ZZEF1: variants seen among roughly 807,000 people sequenced by gnomAD.
The protein encoded by ZZEF1 is zinc finger ZZ-type and EF-hand domain containing 1, also known as zinc finger ZZ-type and EF-hand domain-containing protein 1.
In ZZEF1, 157 loss-of-function variants were observed where a neutral mutation model predicts 342.8. The observed-to-expected ratio is 0.46, with a 90% CI of 0.40 to 0.52. ZZEF1 has a LOEUF of 0.52. Among genes scored for constraint, ZZEF1 ranks in the 20% least tolerant of loss-of-function variants. ZZEF1 has a pLI of 0.00. For missense variants in ZZEF1, 3,480 were observed against 3,725.6 expected (o/e 0.93, Z 1.72); for synonymous variants, 1,505 against 1,429.1 (o/e 1.05, Z -1.20).
At chr17:4,070,283 G>A (rs1597846040) in intron 26 of ZZEF1, among the ~76,000 whole-genome samples, 1 of 152,210 alleles carries the variant, frequency 6.6e-6, no homozygotes, top group South Asian at 2.1e-4. Flanking sequence ...ATGTTAGAGC[G>A]AATCACCCTT....
Position 4,062,796 on chromosome 17 carries a change from G to C in ZZEF1, c.4840C>G (p.Leu1614Val), listed in dbSNP as rs2057312165. 1.9e-6 allele frequency: 3 copies of C among 1,612,300 alleles called. No individual in the cohort carries two copies. Among genetic ancestry groups the C allele is most frequent in the Non-Finnish European group, 1.7e-6 (2 of 1,179,182 alleles). Reference protein sequence around the residue: ...QPHCFHPPFILFLLELLTCQK... With the variant: ...QPHCFHPPFIVFLLELLTCQK... ...CAGGTCAGAAGTTCCAACAGGAAAA[G>C]TATGAAAGGTGGATGGAAGCAGTGG... Residue 1614 changes from leucine (L) to valine (V), a missense_variant, in exon 30 of 55, where the codon CTT (leucine) becomes GTT (valine). Physicochemically the swap from Leu to Val is conservative, Grantham distance 32. Coordinates refer to ENST00000381638, the MANE Select transcript of ZZEF1 (RefSeq NM_015113.4).
chr17:4,016,243 T>A lies in ZZEF1; in HGVS notation c.8145+80A>T. 1 of 1,505,262 alleles carries A rather than the reference T, an allele frequency of 6.6e-7. No individual in the cohort carries two copies. The allele number at this position is 1,505,262 out of a possible 1,614,324, so 93.2% of individuals were successfully genotyped here. ...GAGAGAGCCACAGAGGGGCTGAGCA[T>A]GGAGGGGCTGAGCACGGAGGGGCTG... On this transcript the variant is annotated intron_variant, in intron 49 of 54. Coordinates refer to ENST00000381638, the MANE Select transcript of ZZEF1 (RefSeq NM_015113.4). This position sits in a 1 kb window ranked among gnomAD's most constrained non-coding sequence, Gnocchi z 4.4.
chr17:4,095,793 G>A (rs766806716), intron 11 of ZZEF1, 38 bp downstream of exon 11: 2 of 1,572,274 alleles, frequency 1.3e-6, no homozygotes, highest in Non-Finnish European at 1.7e-6. Flanking sequence ...TTTTTGTTCT[G>A]TAGATCTTTG....
chr17:4,087,575 T>A (rs528428031), intron 13 of ZZEF1, 41 bp from the exon 14 acceptor site: 11 of 1,543,976 alleles, frequency 7.1e-6, no homozygotes. Flanking sequence ...AACTGAAAAA[T>A]GCATTTAGAG....
intron 13 of ZZEF1, among the ~76,000 whole-genome samples, chr17:4,088,014 G>A (rs1237354514): frequency 6.6e-6 from 1 of 152,110 alleles, no homozygotes; most frequent in East Asian, 1.9e-4. Flanking sequence ...TACTGTGATA[G>A]GAGGTCTGAA....
At chr17:4,099,390 T>C (rs2058089835) in intron 9 of ZZEF1, among the ~76,000 whole-genome samples, 1 of 151,888 alleles carries the variant, frequency 6.6e-6, no homozygotes, top group Admixed American at 6.6e-5. Flanking sequence ...GCTAATTTTT[T>C]ATTTCATTTT....
chr17:4,136,157 A>T (rs2058743984), intron 1 of ZZEF1, among the ~76,000 whole-genome samples: 2 of 149,664 alleles, frequency 1.3e-5, no homozygotes, highest in South Asian at 4.2e-4. Context: ...CACTCAGCTA[A>T]CATGGTGAAA....
chr17:4,050,207 G>A (rs1355086828), intron 36 of ZZEF1, among the ~76,000 whole-genome samples: 2 of 152,188 alleles, frequency 1.3e-5, no homozygotes, highest in Admixed American at 1.3e-4. Flanking sequence ...ACTGGTATGG[G>A]AACTGCTCTA....
intron 52 of ZZEF1, among the ~76,000 whole-genome samples, chr17:4,012,212 C>A (rs67858450): frequency 1.3e-5 from 2 of 152,294 alleles, no homozygotes; most frequent in East Asian, 3.9e-4. Flanking sequence ...CTGGACTCGA[C>A]GCTCAAGTGA....
chr17:4,022,502 A>G (rs1286371085), intron 44 of ZZEF1: 2 of 575,594 alleles, frequency 3.5e-6, no homozygotes, highest in Non-Finnish European at 5.9e-6. Flanking sequence ...TTCTTTGAAC[A>G]AACATTAAAT....
In ZZEF1 at chr17:4,042,005, T is replaced by C. The variant is rs548238716; in HGVS notation, c.6306+424A>G. Among the ~76,000 whole-genome samples the C allele has an allele frequency of 6.6e-5, 10 of 152,268 alleles. No individual in the cohort carries two copies. The East Asian group carries it at 1.9e-3, about 29-fold the overall frequency. On this transcript the variant is annotated intron_variant, in intron 39 of 54. Coordinates refer to ENST00000381638, the MANE Select transcript of ZZEF1 (RefSeq NM_015113.4). ...AAGCATAATAATGACATTGTGGTTA[T>C]ATAGGAGAATGTACTTTAAGGAGAG...
At chr17:4,131,607 CCT>C (rs2058663512) in intron 1 of ZZEF1, among the ~76,000 whole-genome samples, 1 of 151,850 alleles carries the variant, frequency 6.6e-6, no homozygotes, top group Non-Finnish European at 1.5e-5. Context: ...GGCAAAACCT[CCT>C]CTCTACAAAA....
intron 24 of ZZEF1, among the ~76,000 whole-genome samples, chr17:4,073,929 G>C (rs781821): frequency 0.086 from 13,137 of 152,066 alleles, 1,915 homozygotes; most frequent in African/African-American, 0.3. Flanking sequence ...TCCATAGACA[G>C]AGAACCCATG....
At chr17:4,048,189 T>C (rs1208034075) in intron 37 of ZZEF1, among the ~76,000 whole-genome samples, 1 of 152,172 alleles carries the variant, frequency 6.6e-6, no homozygotes, top group Non-Finnish European at 1.5e-5. Flanking sequence ...TCATAATCCG[T>C]GGGTGGTTAA....
intron 34 of ZZEF1, among the ~76,000 whole-genome samples, chr17:4,052,697 T>C (rs146113327): frequency 9.8e-5 from 15 of 152,312 alleles, no homozygotes; most frequent in Non-Finnish European, 1.8e-4. Context: ...TGAAACCTCG[T>C]CTCTATTGAA....
intron 1 of ZZEF1, among the ~76,000 whole-genome samples, chr17:4,140,968 G>T (rs2058835500): frequency 6.6e-6 from 1 of 151,266 alleles, no homozygotes; most frequent in South Asian, 2.1e-4. Flanking sequence ...GAATGCAGTG[G>T]CGTGATCTCA....
rs1322740620 is a variant in ZZEF1, at chr17:4,014,168, A to G, written c.8335T>C (p.Phe2779Leu). 1 of 1,614,132 alleles carries G rather than the reference A, an allele frequency of 6.2e-7. No individual in the cohort carries two copies. Among genetic ancestry groups the G allele is most frequent in the Non-Finnish European group, 8.5e-7 (1 of 1,180,038 alleles). ...ELPGDTLYYR[F>L]TSDMSNTEWG... is the part of the protein sequence containing the mutation. ...TCGGTGTTGCTCATGTCGGAGGTGA[A>G]GCGGTAATACAGAGTGTCTCCTAGG... Residue 2779 changes from phenylalanine to leucine, a missense_variant, in exon 51 of 55, where the codon TTC becomes CTC. Phe to Leu is a conservative substitution (Grantham distance 22). Around this residue, in one of 5 missense-constraint regions of ZZEF1, gnomAD observed 1,269 missense variants for 1,342.4 expected, o/e 0.95. Transcript: ENST00000381638. The surrounding 1 kb of genome is among the most constrained non-coding windows in gnomAD (Gnocchi z 4.4).
rs74322603 is a variant in ZZEF1 at position 4,140,806 on chromosome 17, C to T, written c.354+1736G>A. ...TTCAACAGTTCTGCATGGTTCTTCC[C>T]ACTACTACTTCATATTCTCATAATA... On this transcript the variant is annotated intron_variant, in intron 1 of 54. Coordinates refer to ENST00000381638, the MANE Select transcript of ZZEF1 (RefSeq NM_015113.4). Among the ~76,000 whole-genome samples, 677 of 152,194 alleles carry T rather than the reference C, an allele frequency of 4.4e-3. 4 individuals are homozygous for T. Among genetic ancestry groups the T allele is most frequent in the African/African-American group, 0.015 (643 of 41,506 alleles).
chr17:4,141,989 T>G (rs193123494), intron 1 of ZZEF1, among the ~76,000 whole-genome samples: 2 of 152,186 alleles, frequency 1.3e-5, no homozygotes, highest in Non-Finnish European at 2.9e-5. Context: ...CCTATGAAGG[T>G]TTAAATGAGT....
Sources: allele counts gnomAD v4.1 joint callset (sites outside exome capture counted in the v4.1 genomes callset), GRCh38; gene constraint gnomAD v4.1.1; regional missense constraint gnomAD v4.1.1; non-coding constraint Gnocchi (gnomAD v3.1); transcripts MANE v1.5; gene names NCBI Gene and HGNC (gene_info 2026-07-23, HGNC 2026-07-21).